STARD9: variants seen among roughly 807,000 people sequenced by gnomAD.
The protein encoded by STARD9 is StAR related lipid transfer domain containing 9.
In STARD9, 346 loss-of-function variants were observed where a neutral mutation model predicts 399.8. The ratio of observed to expected loss-of-function variants is 0.87; its 90% CI spans 0.79 to 0.95. The LOEUF (loss-of-function observed/expected upper bound fraction) is 0.95. Ranked by LOEUF, STARD9 falls within the 40% of genes least tolerant of loss-of-function variation. The pLI is 0.00. For synonymous variants in STARD9, 2,203 were observed against 2,143.5 expected (o/e 1.03, Z -0.77); for missense variants, 5,832 against 5,667.5 (o/e 1.03, Z -0.93).
chr15:42,720,675 T>G lies in STARD9; in HGVS notation c.*1101T>G, dbSNP rs1417637492. ...GAGAGATTCTCATCTTTAGTTCTGG[T>G]GCCCAAAATCTTTGGTAGATGGAGG... On this transcript the variant is annotated 3_prime_UTR_variant, in exon 33 of 33. Coordinates refer to ENST00000290607, the MANE Select transcript of STARD9 (RefSeq NM_020759.3). 6.6e-6 allele frequency: 1 copy of G among 152,186 alleles called. No homozygotes were observed. The highest frequency in any genetic ancestry group is 1.5e-5 in the Non-Finnish European group (1 of 68,018). The allele number at this position is 152,186 out of a possible 1,614,324, so 9.4% of individuals were successfully genotyped here. A position where few individuals can be genotyped will look rare whatever the true frequency, so the allele number is the denominator to read the frequency against.
At chr15:42,627,199 G>A (rs2141882703) in intron 3 of STARD9, among the ~76,000 whole-genome samples, 1 of 152,310 alleles carries the variant, frequency 6.6e-6, no homozygotes, top group African/African-American at 2.4e-5. Flanking sequence ...GGGAGGCTAA[G>A]GTGGGAGGAT....
intron 26 of STARD9, among the ~76,000 whole-genome samples, chr15:42,712,479 A>C (rs2140397742): frequency 6.6e-6 from 1 of 152,072 alleles, no homozygotes; most frequent in East Asian, 1.9e-4. Flanking sequence ...GCCCATTTTG[A>C]GTTAATTCTT....
chr15:42,686,730 G>A lies in STARD9; in HGVS notation c.5152G>A (p.Ala1718Thr). 2 of 1,537,624 alleles carry A rather than the reference G, an allele frequency of 1.3e-6. No homozygotes were observed. The highest frequency in any genetic ancestry group is 1.7e-6 in the Non-Finnish European group (2 of 1,147,006). Reference sequence around the variant, plus strand: ...TAGAAGACACATAAATGTTTCCTTTGCCCTTCCTTCAGGTCCAGAGCTATA... The same window carrying A: ...TAGAAGACACATAAATGTTTCCTTTACCCTTCCTTCAGGTCCAGAGCTATA... Reference protein sequence around the residue: ...AVRRHINVSFALPSGPELYLH... With the variant: ...AVRRHINVSFTLPSGPELYLH... The change falls in exon 23 of 33, where the codon GCC becomes ACC. Residue 1718 changes from alanine to threonine, a missense_variant. Around this residue, in one of 2 missense-constraint regions of STARD9, gnomAD observed 5,828 missense variants for 5,651.1 expected, o/e 1.03. Transcript: ENST00000290607.
chr15:42,634,012 T>C (rs2059378023), intron 3 of STARD9, among the ~76,000 whole-genome samples: 1 of 152,038 alleles, frequency 6.6e-6, no homozygotes, highest in Admixed American at 6.6e-5. Flanking sequence ...GTTTGGCTTC[T>C]ATAGTAGAGC....
In STARD9 at chr15:42,685,759, A is replaced by G. The variant is rs1316731158; in HGVS notation, c.4181A>G (p.Tyr1394Cys). ...KPSDAETVLPYSSKLHQGSTE... is the reference protein window; with the variant it reads ...KPSDAETVLPCSSKLHQGSTE... ...TCAGATGCAGAAACGGTTCTGCCAT[A>G]TAGCTCCAAACTGCACCAAGGCAGT... The change falls in exon 23 of 33, where the codon TAT (tyrosine) becomes TGT (cysteine). Residue 1394 changes from tyrosine (Y) to cysteine (C), a missense_variant. Tyr to Cys is a radical substitution (Grantham distance 194). This residue lies in a region of STARD9 where 5,828 missense variants were observed against 5,651.1 expected (regional missense o/e 1.03). Transcript: ENST00000290607. 4 of 1,537,430 alleles carry G rather than the reference A, an allele frequency of 2.6e-6. No homozygotes were observed. Among genetic ancestry groups the G allele is most frequent in the Non-Finnish European group, 3.5e-6 (4 of 1,146,952 alleles).
intron 3 of STARD9, among the ~76,000 whole-genome samples, chr15:42,612,583 G>A (rs2058872087): frequency 6.6e-6 from 1 of 152,140 alleles, no homozygotes; most frequent in African/African-American, 2.4e-5. Context: ...AGAGCTAGAT[G>A]TCCATCTGTC....
At chr15:42,593,959 C>T (rs1002080766) in intron 3 of STARD9, among the ~76,000 whole-genome samples, 2 of 151,902 alleles carry the variant, frequency 1.3e-5, no homozygotes, top group Non-Finnish European at 2.9e-5. Flanking sequence ...TGAGCCACCG[C>T]GTGGTTGTGC....
At chr15:42,598,150 G>A (rs2058553295) in intron 3 of STARD9, among the ~76,000 whole-genome samples, 2 of 151,684 alleles carry the variant, frequency 1.3e-5, no homozygotes, top group South Asian at 2.1e-4. Context: ...TCCTGCCTCA[G>A]CCTCCTGGGT....
chr15:42,616,620 A>G (rs562748524), intron 3 of STARD9, among the ~76,000 whole-genome samples: 115 of 152,258 alleles, frequency 7.6e-4, no homozygotes, highest in African/African-American at 2.6e-3. Context: ...GGCCGGGTGC[A>G]GTGGCCCATA....
chr15:42,661,591 C>G (rs912231361), intron 10 of STARD9, among the ~76,000 whole-genome samples: 3 of 151,958 alleles, frequency 2.0e-5, no homozygotes, highest in Non-Finnish European at 4.4e-5. Context: ...ACTACAGGCA[C>G]GTGACACCAC....
chr15:42,652,147 C>CAAGAATAAAATAAAATAAAGTGA (rs2141993838), intron 8 of STARD9, among the ~76,000 whole-genome samples: 1 of 152,040 alleles, frequency 6.6e-6, no homozygotes, highest in Non-Finnish European at 1.5e-5. Flanking sequence ...AAAATGACTC[C>CAAGAATAAAATAAAATAAAGTGA]AAGAATAAAA....
intron 3 of STARD9, among the ~76,000 whole-genome samples, chr15:42,601,782 G>A (rs561283623): frequency 2.1e-4 from 32 of 152,340 alleles, no homozygotes; most frequent in Non-Finnish European, 2.6e-4. Context: ...TAAGTCTAGC[G>A]TCAGCAGATG....
Position 42,688,475 on chromosome 15 carries a change from C to T in STARD9, c.6897C>T (p.Leu2299=). Residue 2299 remains leucine, a synonymous_variant, in exon 23 of 33, where the codon CTC becomes CTT. Coordinates refer to ENST00000290607, the MANE Select transcript of STARD9 (RefSeq NM_020759.3). ...ENKVTQKFPS[L]SQLCRDTFFR... ...AAGTGACTCAGAAATTTCCTAGTCT[C>T]AGCCAGCTTTGTAGGGACACGTTTT... 2.6e-6 allele frequency: 4 copies of T among 1,537,904 alleles called. No homozygotes were observed. The highest frequency in any genetic ancestry group is 3.5e-6 in the Non-Finnish European group (4 of 1,147,064).
intron 20 of STARD9, among the ~76,000 whole-genome samples, chr15:42,679,098 G>A (rs143677353): frequency 1.3e-5 from 2 of 152,176 alleles, no homozygotes; most frequent in African/African-American, 2.4e-5. Context: ...AGGAGACTGA[G>A]TAATCTCAGG....
At chr15:42,601,626 C>G (rs1430065171) in intron 3 of STARD9, among the ~76,000 whole-genome samples, 1 of 151,458 alleles carries the variant, frequency 6.6e-6, no homozygotes, top group East Asian at 1.9e-4. Flanking sequence ...GGGCTGCCCC[C>G]CACTTCCCGG....
intron 20 of STARD9, among the ~76,000 whole-genome samples, chr15:42,679,707 A>G (rs1001596633): frequency 1.3e-5 from 2 of 152,222 alleles, no homozygotes; most frequent in African/African-American, 4.8e-5. Context: ...CTGTGCTGCA[A>G]CTACTCAATT....
chr15:42,718,985 C>T (rs1321717768), intron 32 of STARD9, 75 bp downstream of exon 32: 28 of 1,364,074 alleles, frequency 2.1e-5, no homozygotes, highest in African/African-American at 1.1e-4. Context: ...TTTTCTGTCT[C>T]GCTTTTGAAC....
At chr15:42,595,180 A>G (rs1041742418) in intron 3 of STARD9, among the ~76,000 whole-genome samples, 2 of 152,104 alleles carry the variant, frequency 1.3e-5, no homozygotes, top group African/African-American at 4.8e-5. Flanking sequence ...GAGGAGAGGG[A>G]AACATGAGGA....
chr15:42,638,645 T>C (rs1181728696), intron 6 of STARD9, 55 bp from the exon 7 acceptor site: 1 of 1,268,772 alleles, frequency 7.9e-7, no homozygotes, highest in African/African-American at 1.5e-5. Flanking sequence ...AGCTCAATGT[T>C]GTTTCTACTT....
Sources: allele counts gnomAD v4.1 joint callset (sites outside exome capture counted in the v4.1 genomes callset), GRCh38; gene constraint gnomAD v4.1.1; regional missense constraint gnomAD v4.1.1; transcripts MANE v1.5; gene names NCBI Gene and HGNC (gene_info 2026-07-23, HGNC 2026-07-21).